The following SLC24A3 variants were observed in gnomAD, a reference collection of about 807,000 sequenced individuals.
The protein encoded by SLC24A3 is solute carrier family 24 member 3.
A neutral mutation model predicts 75.8 loss-of-function variants in SLC24A3; 28 were observed. The observed-to-expected ratio is 0.37, with a 90% CI of 0.27 to 0.51. The LOEUF (loss-of-function observed/expected upper bound fraction) is 0.51. Ranked by LOEUF, SLC24A3 falls within the 20% of genes least tolerant of loss-of-function variation. The pLI, the probability that SLC24A3 is intolerant of heterozygous loss-of-function variation, is 0.94. For synonymous variants in SLC24A3, 372 were observed against 334.1 expected (o/e 1.11, Z -1.24); for missense variants, 663 against 847.8 (o/e 0.78, Z 2.71).
At chr20:19,560,255 G>A (rs1292881110) in intron 3 of SLC24A3, among the ~76,000 whole-genome samples, 3 of 152,188 alleles carry the variant, frequency 2.0e-5, no homozygotes, top group Non-Finnish European at 4.4e-5. Context: ...GAGTCTCAGA[G>A]GAACTATGTA....
chr20:19,347,703 G>A (rs995118371), intron 2 of SLC24A3, among the ~76,000 whole-genome samples: 21 of 152,208 alleles, frequency 1.4e-4, no homozygotes, highest in Non-Finnish European at 5.9e-5. Flanking sequence ...CGACATTATA[G>A]AAATGGAAAA....
intron 6 of SLC24A3, among the ~76,000 whole-genome samples, chr20:19,608,979 A>G (rs2031634514): frequency 6.6e-6 from 1 of 152,258 alleles, no homozygotes; most frequent in Admixed American, 6.5e-5. Context: ...GGGTTTCATG[A>G]GGCAGACGTG....
chr20:19,600,800 AG>A (rs1412729629), intron 6 of SLC24A3, among the ~76,000 whole-genome samples: 1 of 152,192 alleles, frequency 6.6e-6, no homozygotes, highest in Non-Finnish European at 1.5e-5. Context: ...CTAGGACTAC[AG>A]GCAGGTGCCA....
At chr20:19,526,654 A>T (rs2030203828) in intron 3 of SLC24A3, among the ~76,000 whole-genome samples, 1 of 152,096 alleles carries the variant, frequency 6.6e-6, no homozygotes, top group South Asian at 2.1e-4. Flanking sequence ...CATCTCCCCC[A>T]CTATCAGAGG....
chr20:19,444,152 T>A (rs1987341589), intron 2 of SLC24A3, among the ~76,000 whole-genome samples: 1 of 152,244 alleles, frequency 6.6e-6, no homozygotes, highest in Non-Finnish European at 1.5e-5. Context: ...ATTTCAAATA[T>A]CAATCCCACC....
chr20:19,442,975 T>C (rs969811021), intron 2 of SLC24A3, among the ~76,000 whole-genome samples: 5 of 152,228 alleles, frequency 3.3e-5, no homozygotes, highest in African/African-American at 1.2e-4. Context: ...TTGCCTTTGA[T>C]ACCTTGTCAG....
rs180855178 is a variant in SLC24A3 at position 19,390,638 on chromosome 20, T to C, written c.271+109551T>C. 2.2e-3 allele frequency among the ~76,000 whole-genome samples: 330 copies of C among 152,100 alleles called. 1 individual carries two copies. Among genetic ancestry groups the C allele is most frequent in the African/African-American group, 7.5e-3 (313 of 41,470 alleles). On this transcript the variant is annotated intron_variant, in intron 2 of 16. Transcript: ENST00000328041. ...TGCTGGACCATGGAGCTGTGGGGAG[T>C]GACCTGTTGCTTGGAGTCACAGGGA...
intron 2 of SLC24A3, among the ~76,000 whole-genome samples, chr20:19,378,817 A>G (rs4814847): frequency 0.35 from 53,253 of 151,744 alleles, 9,534 homozygotes; most frequent in Middle Eastern, 0.51. Flanking sequence ...GGGGAAAAGC[A>G]ATCAATAGCT....
intron 2 of SLC24A3, among the ~76,000 whole-genome samples, chr20:19,399,377 A>G (rs1054910398): frequency 2.6e-5 from 4 of 152,092 alleles, no homozygotes; most frequent in African/African-American, 7.2e-5. Context: ...TTCTTTTTCA[A>G]TATAGATAAG....
At chr20:19,453,567 T>C (rs529785231) in intron 2 of SLC24A3, among the ~76,000 whole-genome samples, 5 of 152,282 alleles carry the variant, frequency 3.3e-5, no homozygotes, top group East Asian at 1.9e-4. Flanking sequence ...TTGCCAACTT[T>C]CCAAAGACAC....
intron 2 of SLC24A3, among the ~76,000 whole-genome samples, chr20:19,347,965 G>T (rs1568596331): frequency 1.3e-5 from 2 of 152,298 alleles, no homozygotes; most frequent in South Asian, 4.1e-4. Flanking sequence ...TCTGTGCCTC[G>T]CCCTGCTTCG....
intron 3 of SLC24A3, among the ~76,000 whole-genome samples, chr20:19,579,299 G>C (rs2031185328): frequency 1.3e-5 from 2 of 152,284 alleles, no homozygotes; most frequent in South Asian, 4.2e-4. Context: ...GGCAATTTCT[G>C]GCCAGAAGGT....
At chr20:19,518,383 C>T (rs1396564103) in intron 3 of SLC24A3, among the ~76,000 whole-genome samples, 1 of 152,206 alleles carries the variant, frequency 6.6e-6, no homozygotes, top group Non-Finnish European at 1.5e-5. Context: ...ATGGTCAGCA[C>T]CTGCCATGCA....
intron 2 of SLC24A3, among the ~76,000 whole-genome samples, chr20:19,298,349 T>A (rs558411996): frequency 6.6e-6 from 1 of 152,232 alleles, no homozygotes; most frequent in Non-Finnish European, 1.5e-5. Context: ...TGATTCTTTT[T>A]TATGTGTTGG....
At position 19,330,646 on chromosome 20, in the gene SLC24A3, G is replaced by A. The variant is rs192877834; in HGVS notation, c.271+49559G>A. On this transcript the variant is annotated intron_variant, in intron 2 of 16. Transcript: ENST00000328041. ...GAACACTGACTATTAACTGCTAAAT[G>A]TGGAGAAGGTGCTGAGTTGGAAACT... Among the ~76,000 whole-genome samples the A allele has an allele frequency of 2.1e-4, 32 of 152,366 alleles. 1 individual carries two copies. The East Asian group carries it at 6.0e-3, about 28-fold the overall frequency.
At chr20:19,447,007 T>G (rs1459212438) in intron 2 of SLC24A3, among the ~76,000 whole-genome samples, 1 of 152,184 alleles carries the variant, frequency 6.6e-6, no homozygotes, top group South Asian at 2.1e-4. Flanking sequence ...ACACATCCAC[T>G]TTATGGATCC....
chr20:19,249,997 C>T (rs938004525), intron 1 of SLC24A3, among the ~76,000 whole-genome samples: 1 of 152,120 alleles, frequency 6.6e-6, no homozygotes, highest in Non-Finnish European at 1.5e-5. Flanking sequence ...ATCTGAAAGG[C>T]CATCTTTCCT....
chr20:19,296,182 T>C (rs1984055045), intron 2 of SLC24A3, among the ~76,000 whole-genome samples: 1 of 152,042 alleles, frequency 6.6e-6, no homozygotes, highest in African/African-American at 2.4e-5. Context: ...TTGTTTGTAT[T>C]TCAGTGGGAT....
intron 2 of SLC24A3, among the ~76,000 whole-genome samples, chr20:19,448,610 T>G (rs1234009505): frequency 2.6e-5 from 4 of 152,174 alleles, no homozygotes; most frequent in Non-Finnish European, 5.9e-5. Flanking sequence ...TGTGTGTCCA[T>G]GGTGAATAGG....
Sources: gnomAD v4.1 joint callset for allele counts (sites outside exome capture counted in the v4.1 genomes callset) on GRCh38, gnomAD v4.1.1 for gene constraint, MANE v1.5 for transcripts, NCBI Gene and HGNC (gene_info 2026-07-23, HGNC 2026-07-21) for gene names.